HSD17B12: variants seen among roughly 807,000 people sequenced by gnomAD.
The protein encoded by HSD17B12 is very-long-chain 3-oxoacyl-CoA reductase.
A neutral mutation model predicts 39.3 loss-of-function variants in HSD17B12; 32 were observed. The ratio of observed to expected loss-of-function variants is 0.81; its 90% CI spans 0.61 to 1.09. HSD17B12 has a LOEUF of 1.09. Among genes scored for constraint, HSD17B12 ranks in the 50% least tolerant of loss-of-function variants. The pLI is 0.00. For missense variants in HSD17B12, 342 were observed against 382.9 expected (o/e 0.89, Z 0.89); for synonymous variants, 150 against 146.7 (o/e 1.02, Z -0.16).
chr11:43,689,489 G>A (rs1949832765), intron 1 of HSD17B12, among the ~76,000 whole-genome samples: 1 of 152,032 alleles, frequency 6.6e-6, no homozygotes, highest in Non-Finnish European at 1.5e-5. Flanking sequence ...TTAAAACTCA[G>A]TATTTGTCTC....
At position 43,723,539 on chromosome 11, in the gene HSD17B12, GGTTA is replaced by G. The variant is rs141978647; in HGVS notation, c.161-27365_161-27362del. Among the ~76,000 whole-genome samples, 940 of 152,118 alleles carry G rather than the reference GGTTA, an allele frequency of 6.2e-3. 15 individuals are homozygous for G. The highest frequency in any genetic ancestry group is 0.021 in the African/African-American group (881 of 41,490). On this transcript the variant is annotated intron_variant, in intron 1 of 10. Coordinates refer to ENST00000278353, the MANE Select transcript of HSD17B12 (RefSeq NM_016142.3). ...TGGGAGGAAATAGTCTTTTGTAAAAGGTTAGTTAGTGGCATATTGCCATTAGCAT... is the reference window on the plus strand; with the variant it reads ...TGGGAGGAAATAGTCTTTTGTAAAAGGTTAGTGGCATATTGCCATTAGCAT...
At chr11:43,732,749 C>G (rs777754955) in intron 1 of HSD17B12, among the ~76,000 whole-genome samples, 35 of 152,100 alleles carry the variant, frequency 2.3e-4, no homozygotes, top group Non-Finnish European at 4.6e-4. Context: ...TAGATGTGAG[C>G]CACTGTGCCC....
chr11:43,854,464 A>G (rs534543156), intron 9 of HSD17B12: 160 of 417,760 alleles, frequency 3.8e-4, no homozygotes, highest in African/African-American at 3.1e-3. Context: ...AAAAAGGTAG[A>G]TTTCTGCTTA....
the HSD17B12 span, among the ~76,000 whole-genome samples, chr11:43,596,637 G>A: frequency 2.6e-5 from 4 of 151,446 alleles, no homozygotes; most frequent in African/African-American, 7.3e-5. Context: ...ACAAGGTATC[G>A]CTATTGCCCA....
At chr11:43,750,373 A>G (rs981532469) in intron 1 of HSD17B12, among the ~76,000 whole-genome samples, 3 of 152,134 alleles carry the variant, frequency 2.0e-5, no homozygotes, top group Non-Finnish European at 4.4e-5. Flanking sequence ...ATATATCAGT[A>G]GTTCTTTTTT....
At chr11:43,793,444 C>A (rs1363635855) in intron 3 of HSD17B12, among the ~76,000 whole-genome samples, 3 of 151,862 alleles carry the variant, frequency 2.0e-5, no homozygotes, top group Non-Finnish European at 4.4e-5. Flanking sequence ...TTGTAACATT[C>A]TCAGACTTAA....
chr11:43,611,915 C>T, the HSD17B12 span, among the ~76,000 whole-genome samples: 2 of 152,280 alleles, frequency 1.3e-5, no homozygotes, highest in Admixed American at 1.3e-4. Context: ...TGTATACTGA[C>T]TCTGAGTGAA....
chr11:43,781,099 A>G (rs987750715), intron 3 of HSD17B12, among the ~76,000 whole-genome samples: 1 of 151,918 alleles, frequency 6.6e-6, no homozygotes, highest in Non-Finnish European at 1.5e-5. Flanking sequence ...CTTCCCCCCA[A>G]CGCCTCCTCA....
chr11:43,656,336 C>T, the HSD17B12 span, among the ~76,000 whole-genome samples: 6 of 152,178 alleles, frequency 3.9e-5, no homozygotes, highest in African/African-American at 1.4e-4. Flanking sequence ...TTTTGTTGAT[C>T]TTTTCAAAAA....
At chr11:43,681,942 C>G (rs947259150) in intron 1 of HSD17B12, among the ~76,000 whole-genome samples, 16 of 149,068 alleles carry the variant, frequency 1.1e-4, no homozygotes, top group African/African-American at 3.0e-4. Flanking sequence ...TGCTTGTGGT[C>G]CTACCCTGAG....
chr11:43,788,685 C>CAAAAAA (rs57970272), intron 3 of HSD17B12, among the ~76,000 whole-genome samples: 1 of 100,916 alleles, frequency 9.9e-6, no homozygotes, highest in African/African-American at 4.1e-5. Context: ...TTTCCTTCCT[C>CAAAAAA]AAAAAAAAAA....
chr11:43,758,990 G>A (rs1256619809), intron 3 of HSD17B12, among the ~76,000 whole-genome samples: 2 of 152,144 alleles, frequency 1.3e-5, no homozygotes, highest in Non-Finnish European at 2.9e-5. Context: ...AAACTAATTC[G>A]TGGATCAGGC....
chr11:43,796,631 C>T (rs540760994), intron 3 of HSD17B12, among the ~76,000 whole-genome samples: 1 of 152,322 alleles, frequency 6.6e-6, no homozygotes. Context: ...TAAGTATGTA[C>T]ATTCAGCAAA....
At position 43,831,900 on chromosome 11, in the gene HSD17B12, G is replaced by A. The variant is rs1251452689; in HGVS notation, c.536+890G>A. On this transcript the variant is annotated intron_variant, in intron 7 of 10. Transcript: ENST00000278353. This position sits in a 1 kb window ranked among gnomAD's most constrained non-coding sequence, Gnocchi z 4.1. ...CTTATGTTTATTGAGTATATAGTAA[G>A]TGCCAGGAACTTAGTAAGTGTTAAC... Among the ~76,000 whole-genome samples, 1 of 152,156 alleles carries A rather than the reference G, an allele frequency of 6.6e-6. No individual in the cohort carries two copies. Among genetic ancestry groups the A allele is most frequent in the Non-Finnish European group, 1.5e-5 (1 of 68,028 alleles).
intron 3 of HSD17B12, among the ~76,000 whole-genome samples, chr11:43,794,332 T>A (rs540838417): frequency 1.3e-3 from 194 of 152,256 alleles, no homozygotes; most frequent in African/African-American, 4.5e-3. Flanking sequence ...AACAAAACAT[T>A]TGAATAAATG....
chr11:43,681,117 C>T lies in HSD17B12; in HGVS notation c.160+130C>T, dbSNP rs113291385. On this transcript the variant is annotated intron_variant, in intron 1 of 10. Coordinates refer to ENST00000278353, the MANE Select transcript of HSD17B12 (RefSeq NM_016142.3). ...CTCTCCTCTTTCTCAGGCTCCTGTGCCCCGCGGGCCCCTCCTGGCTCCCTT... is the reference window on the plus strand; with the variant it reads ...CTCTCCTCTTTCTCAGGCTCCTGTGTCCCGCGGGCCCCTCCTGGCTCCCTT... 5.1e-5 allele frequency: 72 copies of T among 1,422,644 alleles called. No individual in the cohort carries two copies. In the African/African-American group the frequency reaches 8.9e-4, roughly 18 times the overall value. The allele number at this position is 1,422,644 out of a possible 1,614,324, so 88.1% of individuals were successfully genotyped here.
intron 3 of HSD17B12, among the ~76,000 whole-genome samples, chr11:43,767,993 A>C (rs1950611136): frequency 6.6e-6 from 1 of 152,246 alleles, no homozygotes; most frequent in Admixed American, 6.5e-5. Flanking sequence ...ATCTCTGTTT[A>C]GGAACTGCTG....
chr11:43,629,997 G>T, the HSD17B12 span, among the ~76,000 whole-genome samples: 1 of 152,154 alleles, frequency 6.6e-6, no homozygotes, highest in African/African-American at 2.4e-5. Context: ...GACACCAATA[G>T]GTAGAATATC....
chr11:43,602,707 T>TA, the HSD17B12 span, among the ~76,000 whole-genome samples: 3 of 152,112 alleles, frequency 2.0e-5, no homozygotes, highest in South Asian at 2.1e-4. Flanking sequence ...AAAAGAGGAA[T>TA]AGCTCTAGGC....
Sources: allele counts gnomAD v4.1 joint callset (sites outside exome capture counted in the v4.1 genomes callset), GRCh38; gene constraint gnomAD v4.1.1; non-coding constraint Gnocchi (gnomAD v3.1); transcripts MANE v1.5; gene names NCBI Gene and HGNC (gene_info 2026-07-23, HGNC 2026-07-21).